Variants in RHOJ observed in about 807,000 individuals in gnomAD.
RHOJ encodes the protein ras homolog family member J.
Under a neutral mutation model 23.4 loss-of-function variants are expected in RHOJ, and 11 were observed. The ratio of observed to expected loss-of-function variants is 0.47; its 90% CI spans 0.30 to 0.78. The LOEUF (loss-of-function observed/expected upper bound fraction) is 0.78. Among genes scored for constraint, RHOJ ranks in the 30% least tolerant of loss-of-function variants. RHOJ has a pLI of 0.08. For missense variants in RHOJ, 254 were observed against 273.4 expected (o/e 0.93, Z 0.50); for synonymous variants, 102 against 102.7 (o/e 0.99, Z 0.04).
intron 1 of RHOJ, among the ~76,000 whole-genome samples, chr14:63,218,897 G>A (rs1272784040): frequency 6.6e-6 from 1 of 152,190 alleles, no homozygotes; most frequent in Non-Finnish European, 1.5e-5. Flanking sequence ...GTTTTTATAT[G>A]TAGTTCCTCA....
intron 1 of RHOJ, among the ~76,000 whole-genome samples, chr14:63,222,274 A>T (rs984909299): frequency 3.3e-5 from 5 of 152,198 alleles, no homozygotes; most frequent in South Asian, 2.1e-4. Context: ...GAATAGTGCC[A>T]CAATAAACAT....
intron 1 of RHOJ, among the ~76,000 whole-genome samples, chr14:63,239,354 C>T (rs1020357561): frequency 5.3e-5 from 8 of 151,970 alleles, no homozygotes; most frequent in East Asian, 1.9e-4. Context: ...TCAAGTGATC[C>T]GCCCGCCTCA....
rs1215160988 is a variant in RHOJ at position 63,291,225 on chromosome 14, C to T, written c.*201C>T. ...GACCTCCCTGCCAGCCAGAAGCATC[C>T]GTACTGCACGCTGTCTGAGAATGCT... On this transcript the variant is annotated 3_prime_UTR_variant, in exon 5 of 5. Coordinates refer to ENST00000316754, the MANE Select transcript of RHOJ (RefSeq NM_020663.5). The T allele has an allele frequency of 4.9e-6, 3 of 613,406 alleles. No homozygotes were observed. Among genetic ancestry groups the T allele is most frequent in the East Asian group, 2.9e-5 (1 of 34,308 alleles). 38.0% of individuals were successfully genotyped at this position (613,406 alleles called of 1,614,324 possible).
intron 2 of RHOJ, among the ~76,000 whole-genome samples, chr14:63,269,521 C>T (rs1053278810): frequency 2.6e-5 from 4 of 152,106 alleles, no homozygotes; most frequent in African/African-American, 9.7e-5. Flanking sequence ...TAGTTCCACA[C>T]ATGTTTTTTC....
intron 1 of RHOJ, among the ~76,000 whole-genome samples, chr14:63,206,269 A>G (rs571561728): frequency 2.6e-5 from 4 of 152,348 alleles, no homozygotes; most frequent in South Asian, 2.1e-4. Context: ...GTTTTTCTAT[A>G]TTTGTAGAAA....
rs75992371 is a variant in RHOJ at position 63,250,104 on chromosome 14, C to T, written c.179-19006C>T. Among the ~76,000 whole-genome samples the T allele has an allele frequency of 5.1e-4, 78 of 152,318 alleles. 1 individual carries two copies. The East Asian group carries it at 0.015, about 29-fold the overall frequency. On this transcript the variant is annotated intron_variant, in intron 1 of 4. Transcript: ENST00000316754. ...ATCTCCCACATCTCTACTGCTACCA[C>T]CTGGTCTAAGCTACCATCATCTTTT...
chr14:63,242,319 A>G (rs1894896540), intron 1 of RHOJ, among the ~76,000 whole-genome samples: 2 of 152,202 alleles, frequency 1.3e-5, no homozygotes, highest in Non-Finnish European at 2.9e-5. Flanking sequence ...GTAATCCCAT[A>G]CTTGAGGAGG....
chr14:63,283,076 A>G (rs763434792), intron 3 of RHOJ, 45 bp from the exon 4 acceptor site: 1 of 1,445,348 alleles, frequency 6.9e-7, no homozygotes, highest in Non-Finnish European at 9.7e-7. Context: ...ATATCTGGCA[A>G]GGCCTGAGAA....
chr14:63,214,754 G>A (rs1040283180), intron 1 of RHOJ, among the ~76,000 whole-genome samples: 1 of 152,116 alleles, frequency 6.6e-6, no homozygotes, highest in South Asian at 2.1e-4. Context: ...TAGCAGTAAG[G>A]AGACTAACCT....
chr14:63,256,921 A>C (rs1171253730), intron 1 of RHOJ, among the ~76,000 whole-genome samples: 3 of 152,066 alleles, frequency 2.0e-5, no homozygotes, highest in Non-Finnish European at 2.9e-5. Flanking sequence ...ACAATACAAA[A>C]ATTAGCCAGG....
intron 1 of RHOJ, among the ~76,000 whole-genome samples, chr14:63,205,481 C>G (rs1469644857): frequency 1.3e-5 from 2 of 152,086 alleles, no homozygotes; most frequent in Non-Finnish European, 2.9e-5. Flanking sequence ...TCACCTCATG[C>G]CATTTATAAA....
At chr14:63,287,077 C>G (rs184206426) in intron 4 of RHOJ, among the ~76,000 whole-genome samples, 18 of 152,340 alleles carry the variant, frequency 1.2e-4, no homozygotes, top group Admixed American at 1.2e-3. Context: ...AACATCTTCT[C>G]TTCTTTTCTC....
chr14:63,241,836 T>C (rs559369783), intron 1 of RHOJ, among the ~76,000 whole-genome samples: 3 of 152,226 alleles, frequency 2.0e-5, no homozygotes, highest in Non-Finnish European at 2.9e-5. Flanking sequence ...ATAAGGACAC[T>C]ATTTTTCAAA....
intron 1 of RHOJ, among the ~76,000 whole-genome samples, chr14:63,209,556 T>A (rs1894188378): frequency 6.6e-6 from 1 of 152,176 alleles, no homozygotes; most frequent in Non-Finnish European, 1.5e-5. Context: ...ACACACACAC[T>A]CTCTTTCTCT....
chr14:63,265,758 T>C (rs1895356202), intron 1 of RHOJ, among the ~76,000 whole-genome samples: 2 of 152,216 alleles, frequency 1.3e-5, no homozygotes, highest in Admixed American at 6.5e-5. Flanking sequence ...AATCAGTACA[T>C]GTAAGGTGTA....
intron 1 of RHOJ, among the ~76,000 whole-genome samples, chr14:63,223,468 C>T (rs948209995): frequency 1.3e-5 from 2 of 152,222 alleles, no homozygotes; most frequent in African/African-American, 4.8e-5. Context: ...ATTCTCTCAT[C>T]CCCCTGTATC....
At chr14:63,207,039 T>A (rs546647837) in intron 1 of RHOJ, among the ~76,000 whole-genome samples, 16 of 151,220 alleles carry the variant, frequency 1.1e-4, no homozygotes, top group Admixed American at 1.1e-3. Flanking sequence ...TCTTTTCTTT[T>A]TTTTTTTTTT....
Position 63,252,981 on chromosome 14 carries a change from G to A in RHOJ, c.179-16129G>A, listed in dbSNP as rs1895098508. Among the ~76,000 whole-genome samples, 3 of 152,164 alleles carry A rather than the reference G, an allele frequency of 2.0e-5. No individual in the cohort carries two copies. In the South Asian group the frequency reaches 6.2e-4, roughly 32 times the overall value. On this transcript the variant is annotated intron_variant, in intron 1 of 4. Transcript: ENST00000316754. The stretch of plus-strand genomic sequence containing the variant: ...TAACAGACAAATTACAAAATTCTCT[G>A]TAACTATTTAGGTTGGCATTTGGCT...
intron 1 of RHOJ, among the ~76,000 whole-genome samples, chr14:63,231,091 G>A (rs1894686527): frequency 6.6e-6 from 1 of 152,124 alleles, no homozygotes; most frequent in East Asian, 1.9e-4. Context: ...GTTTCACCAT[G>A]CTGGCCAGGC....
Sources: allele counts gnomAD v4.1 joint callset (sites outside exome capture counted in the v4.1 genomes callset), GRCh38; gene constraint gnomAD v4.1.1; transcripts MANE v1.5; gene names NCBI Gene and HGNC (gene_info 2026-07-23, HGNC 2026-07-21).